Variants in TAFA5 observed in about 807,000 individuals in gnomAD.
TAFA5 encodes chemokine-like protein TAFA-5.
A neutral mutation model predicts 15.3 loss-of-function variants in TAFA5; 6 were observed. That is an observed-to-expected ratio of 0.39 (90% CI 0.21 to 0.77). The LOEUF (loss-of-function observed/expected upper bound fraction) is 0.77, where lower values mean the gene tolerates loss of function less well. TAFA5 is among the 30% of genes least tolerant of loss of function. The pLI, the probability that TAFA5 is intolerant of heterozygous loss-of-function variation, is 0.41. For synonymous variants in TAFA5, 103 were observed against 80.7 expected (o/e 1.28, Z -1.48); for missense variants, 161 against 193.1 (o/e 0.83, Z 0.98).
At chr22:48,578,879 G>A (rs890968134) in intron 1 of TAFA5, among the ~76,000 whole-genome samples, 24 of 152,200 alleles carry the variant, frequency 1.6e-4, no homozygotes, top group Non-Finnish European at 2.4e-4. Context: ...GGCCGACTCT[G>A]GTTCCTGGCT....
chr22:48,500,202 A>G (rs1920944616), intron 1 of TAFA5, among the ~76,000 whole-genome samples: 1 of 152,110 alleles, frequency 6.6e-6, no homozygotes, highest in African/African-American at 2.4e-5. Flanking sequence ...GTTCTGTATC[A>G]GCGATCCCAG....
intron 2 of TAFA5, among the ~76,000 whole-genome samples, chr22:48,705,590 C>A (rs949188337): frequency 5.9e-5 from 9 of 152,198 alleles, no homozygotes; most frequent in Non-Finnish European, 1.5e-5. Context: ...TGTGGTCCAG[C>A]GGCATGATTG....
intron 1 of TAFA5, among the ~76,000 whole-genome samples, chr22:48,528,364 T>C (rs1275303275): frequency 6.6e-6 from 1 of 151,654 alleles, no homozygotes; most frequent in Non-Finnish European, 1.5e-5. Context: ...GCTCTGGGGG[T>C]CCATTCCCCG....
At chr22:48,546,637 T>C in intron 1 of TAFA5, 1 of 469,768 alleles carries the variant, frequency 2.1e-6, no homozygotes, top group South Asian at 1.6e-5. Context: ...GGGCATGGCC[T>C]GGCGAGTCCT....
intron 3 of TAFA5, among the ~76,000 whole-genome samples, chr22:48,740,848 T>C (rs1930159981): frequency 1.3e-5 from 2 of 152,280 alleles, no homozygotes; most frequent in South Asian, 4.1e-4. Flanking sequence ...GGGAGCTCAG[T>C]GACCCCCCGC....
intron 1 of TAFA5, among the ~76,000 whole-genome samples, chr22:48,551,305 G>A (rs1434835796): frequency 6.6e-6 from 1 of 152,152 alleles, no homozygotes; most frequent in African/African-American, 2.4e-5. Flanking sequence ...AACACCAGCC[G>A]AGGGCTGGGC....
chr22:48,747,390 G>T (rs566300894), intron 3 of TAFA5, among the ~76,000 whole-genome samples: 2 of 152,278 alleles, frequency 1.3e-5, no homozygotes, highest in East Asian at 3.9e-4. Flanking sequence ...CACCTTCAGG[G>T]AGCAGCCCCA....
intron 1 of TAFA5, among the ~76,000 whole-genome samples, chr22:48,491,120 C>A (rs1388534747): frequency 1.3e-5 from 2 of 152,202 alleles, no homozygotes; most frequent in Admixed American, 1.3e-4. Flanking sequence ...ACGAGGCCAC[C>A]GTGGGTGCGC....
intron 1 of TAFA5, among the ~76,000 whole-genome samples, chr22:48,574,559 C>G (rs1245504541): frequency 6.6e-6 from 1 of 152,112 alleles, no homozygotes; most frequent in African/African-American, 2.4e-5. Flanking sequence ...CCTGGCACGT[C>G]AATACTGGTG....
intron 3 of TAFA5, among the ~76,000 whole-genome samples, chr22:48,730,428 G>A (rs1332817411): frequency 1.3e-5 from 2 of 152,096 alleles, no homozygotes; most frequent in Admixed American, 1.3e-4. Context: ...CAGTGCGGTG[G>A]AGCCAACATG....
chr22:48,650,674 G>T (rs1601643520), intron 2 of TAFA5, among the ~76,000 whole-genome samples: 1 of 152,168 alleles, frequency 6.6e-6, no homozygotes, highest in African/African-American at 2.4e-5. Flanking sequence ...CCTGTACAGG[G>T]CAGGGCTGTG....
At chr22:48,507,347 G>A (rs1921035857) in intron 1 of TAFA5, among the ~76,000 whole-genome samples, 2 of 152,066 alleles carry the variant, frequency 1.3e-5, no homozygotes, top group Admixed American at 6.6e-5. Context: ...ACTGAGGCAG[G>A]GGTGGGGCTT....
intron 1 of TAFA5, among the ~76,000 whole-genome samples, chr22:48,535,153 A>C (rs1922111295): frequency 6.6e-6 from 1 of 152,156 alleles, no homozygotes; most frequent in Non-Finnish European, 1.5e-5. Context: ...TGCTGTGCAC[A>C]GGGTGTCTTT....
At chr22:48,602,520 C>T (rs996500793) in intron 1 of TAFA5, among the ~76,000 whole-genome samples, 1 of 152,208 alleles carries the variant, frequency 6.6e-6, no homozygotes, top group Non-Finnish European at 1.5e-5. Flanking sequence ...GTACCTCTCA[C>T]CCCCTTGCAG....
chr22:48,599,022 G>A (rs748354890), intron 1 of TAFA5, among the ~76,000 whole-genome samples: 6 of 152,160 alleles, frequency 3.9e-5, no homozygotes, highest in African/African-American at 1.4e-4. Context: ...GGGGAGGGGC[G>A]TGGGTGCTGA....
At chr22:48,546,550 G>A (rs567699850) in intron 1 of TAFA5, 70 of 471,172 alleles carry the variant, frequency 1.5e-4, no homozygotes, top group African/African-American at 9.6e-4. Flanking sequence ...TGAGAGATAC[G>A]GATGATGTGG....
At chr22:48,539,603 G>A (rs1414838634) in intron 1 of TAFA5, among the ~76,000 whole-genome samples, 1 of 152,226 alleles carries the variant, frequency 6.6e-6, no homozygotes, top group Non-Finnish European at 1.5e-5. Flanking sequence ...GGAAGGACGA[G>A]GAAGGTATGC....
At chr22:48,726,995 T>C (rs1929735425) in intron 3 of TAFA5, among the ~76,000 whole-genome samples, 1 of 152,094 alleles carries the variant, frequency 6.6e-6, no homozygotes, top group South Asian at 2.1e-4. Context: ...CCGTACGGGG[T>C]CACTCTCAGG....
rs763739142 is a variant in TAFA5, at chr22:48,542,096, ATGTGTGTGTGGTGTGTGTG to A, written c.112+52399_112+52417del. ...GTGCGTGTGTGTGTGTGCATGTGTG[ATGTGTGTGTGGTGTGTGTG>A]TGTGTGGTGTGTGTGATGTGTATGT... On this transcript the variant is annotated intron_variant, in intron 1 of 3. Transcript: ENST00000402357. Among the ~76,000 whole-genome samples, 347 of 135,588 alleles carry A rather than the reference ATGTGTGTGTGGTGTGTGTG, an allele frequency of 2.6e-3. 8 individuals carry two copies. The East Asian group carries it at 0.067, about 26-fold the overall frequency. The allele number at this position is 135,588 out of a possible 152,430, so 89.0% of individuals were successfully genotyped here.
Sources: allele counts gnomAD v4.1 joint callset (sites outside exome capture counted in the v4.1 genomes callset), GRCh38; gene constraint gnomAD v4.1.1; transcripts MANE v1.5; gene names NCBI Gene and HGNC (gene_info 2026-07-23, HGNC 2026-07-21).